The following LYPD5 variants were observed in gnomAD, a reference collection of about 807,000 sequenced individuals.
The protein encoded by LYPD5 is ly6/PLAUR domain-containing protein 5.
LYPD5 carries 21 observed loss-of-function variants against 19.1 expected under a neutral mutation model. The observed-to-expected ratio is 1.10, with a 90% confidence interval of 0.78 to 1.58. LYPD5 has a LOEUF of 1.58. Ranked by LOEUF, LYPD5 falls within the 40% of genes most tolerant of loss-of-function variation. LYPD5 has a pLI of 0.00. For missense variants in LYPD5, 287 were observed against 329.8 expected, an observed-to-expected ratio of 0.87 and a Z score of 1.00; for synonymous variants, 128 against 142.7, an observed-to-expected ratio of 0.90 and a Z score of 0.74.
chr19:43,797,876 A>C lies in LYPD5; in HGVS notation c.518-47T>G, dbSNP rs771078083. 3 of 1,416,404 alleles carry C rather than the reference A, an allele frequency of 2.1e-6. No individual in the cohort carries two copies. In the South Asian group the frequency reaches 3.5e-5, roughly 17 times the overall value. 87.7% of individuals were successfully genotyped at this position (1,416,404 alleles called of 1,614,324 possible). A position where few individuals can be genotyped will look rare whatever the true frequency, so the allele number is the denominator to read the frequency against. ...AGGAACGGTCAGAACTGAGGGAGAC[A>C]GCTGCACCTGAACCTTCACCTTGGT... is the stretch of plus-strand genomic sequence containing the variant. On this transcript the variant is annotated intron_variant, in intron 4 of 4. Transcript: ENST00000377950.
At chr19:43,807,287 CTTTTTT>C (rs71903986), upstream of LYPD5, among the ~76,000 whole-genome samples, 4 of 117,016 alleles carry the variant, frequency 3.4e-5, no homozygotes, top group African/African-American at 1.1e-4. Flanking sequence ...TTTTCTTTTT[CTTTTTT>C]TTTTTTGGCA....
intron 1 of LYPD5, among the ~76,000 whole-genome samples, chr19:43,816,936 T>C (rs1970380240): frequency 6.6e-6 from 1 of 152,210 alleles, no homozygotes; most frequent in African/African-American, 2.4e-5. Flanking sequence ...TTTGTTCTCT[T>C]TTGCTCTTCT....
upstream of LYPD5, among the ~76,000 whole-genome samples, chr19:43,803,683 TTTTCTA>T (rs1454365672): frequency 6.6e-6 from 1 of 152,208 alleles, no homozygotes; most frequent in African/African-American, 2.4e-5. Context: ...CTCGGTATTG[TTTTCTA>T]TTTCTATTTT....
upstream of LYPD5, among the ~76,000 whole-genome samples, chr19:43,802,734 A>G (rs1970239089): frequency 6.6e-6 from 1 of 151,910 alleles, no homozygotes; most frequent in Non-Finnish European, 1.5e-5. Context: ...CCCTACCCCA[A>G]CACACACCAC....
chr19:43,815,935 T>C (rs955840103), intron 1 of LYPD5, among the ~76,000 whole-genome samples: 1 of 152,090 alleles, frequency 6.6e-6, no homozygotes, highest in Admixed American at 6.6e-5. Context: ...AGTTTCACCA[T>C]GTTGGCCAGG....
upstream of LYPD5, among the ~76,000 whole-genome samples, chr19:43,804,089 C>T (rs1429561108): frequency 2.6e-5 from 4 of 152,162 alleles, no homozygotes; most frequent in Non-Finnish European, 5.9e-5. Context: ...CTGCCCGCCT[C>T]GGCCTCCCAA....
intron 2 of LYPD5, among the ~76,000 whole-genome samples, chr19:43,799,469 T>A (rs1970191349): frequency 6.6e-6 from 1 of 152,174 alleles, no homozygotes; most frequent in Non-Finnish European, 1.5e-5. Context: ...GGTCTCAAAC[T>A]TCTGACCTCG....
At chr19:43,808,250 T>C (rs932343882) in intron 1 of LYPD5, among the ~76,000 whole-genome samples, 1 of 152,016 alleles carries the variant, frequency 6.6e-6, no homozygotes, top group Admixed American at 6.6e-5. Context: ...GGATTACAGG[T>C]GTCTGCCACC....
At chr19:43,815,735 A>AT in intron 1 of LYPD5, 1 of 393,164 alleles carries the variant, frequency 2.5e-6, no homozygotes, top group South Asian at 1.9e-5. Flanking sequence ...TATTATTTTT[A>AT]TTTTATTTTA....
At chr19:43,820,462 C>T (rs915230689) in intron 1 of LYPD5, 2 of 152,170 alleles carry the variant, frequency 1.3e-5, no homozygotes, top group East Asian at 3.9e-4. Context: ...CCACCCCCTC[C>T]CTCAAGTCTT....
Position 43,799,108 on chromosome 19 carries a change from C to G in LYPD5, c.194-120G>C, listed in dbSNP as rs573541976. On this transcript the variant is annotated intron_variant, in intron 2 of 4. Transcript: ENST00000377950. ...CCTACACCTCCTCCCCTCCCTCCTT[C>G]CCTCCTTCCTCTCACCCCCAGACCT... The G allele has an allele frequency of 8.7e-6, 10 of 1,143,762 alleles. No individual in the cohort carries two copies. The East Asian group carries it at 2.1e-4, about 24-fold the overall frequency. 70.9% of individuals were successfully genotyped at this position (1,143,762 alleles called of 1,614,324 possible).
At chr19:43,814,486 C>T (rs370909041) in intron 1 of LYPD5, among the ~76,000 whole-genome samples, 5 of 149,998 alleles carry the variant, frequency 3.3e-5, no homozygotes, top group African/African-American at 1.2e-4. Context: ...AGAGAAAGAC[C>T]TGTCTCTAAA....
At chr19:43,815,588 A>G (rs1392457740) in intron 1 of LYPD5, among the ~76,000 whole-genome samples, 1 of 151,860 alleles carries the variant, frequency 6.6e-6, no homozygotes, top group Non-Finnish European at 1.5e-5. Flanking sequence ...CAAAAACAAA[A>G]CCAAAAACCA....
intron 1 of LYPD5, 144 bp from the exon 2 acceptor site, chr19:43,799,978 A>C (rs1322028341): frequency 1.0e-6 from 1 of 955,616 alleles, no homozygotes; most frequent in Non-Finnish European, 1.5e-6. Flanking sequence ...AGGTGCTGCT[A>C]TTGCAGCTGG....
chr19:43,798,431 C>G, intron 4 of LYPD5, 24 bp downstream of exon 4: 1 of 1,602,712 alleles, frequency 6.2e-7, no homozygotes, highest in Non-Finnish European at 8.5e-7. Context: ...TTGCCCAGGC[C>G]CTTCCACCCT....
chr19:43,807,711 G>A (rs1970283985), intron 1 of LYPD5, among the ~76,000 whole-genome samples: 1 of 152,248 alleles, frequency 6.6e-6, no homozygotes, highest in South Asian at 2.1e-4. Flanking sequence ...GCTGCATAAA[G>A]GAGGCAAAGG....
In LYPD5 at chr19:43,798,806, G is replaced by A. The variant is rs762186634; in HGVS notation, c.370+6C>T. 2.5e-6 allele frequency: 4 copies of A among 1,605,802 alleles called. No individual in the cohort carries two copies. In the Admixed American group the frequency reaches 6.8e-5, roughly 27 times the overall value. ...TCCCGGAGCCCAGCCCCGCTCTCCC[G>A]CGCACCTTGGCTCAGGTTGGGGAGG... On this transcript the variant is annotated splice_donor_region_variant and intron_variant, in intron 3 of 4. Coordinates refer to ENST00000377950, the MANE Select transcript of LYPD5 (RefSeq NM_001031749.3).
chr19:43,812,587 A>G (rs1164635727), intron 1 of LYPD5, among the ~76,000 whole-genome samples: 1 of 152,216 alleles, frequency 6.6e-6, no homozygotes, highest in Non-Finnish European at 1.5e-5. Context: ...AAAGGGCTAA[A>G]TAACTTGAAA....
chr19:43,814,262 C>T (rs1393027997), intron 1 of LYPD5, among the ~76,000 whole-genome samples: 4 of 152,096 alleles, frequency 2.6e-5, no homozygotes, highest in Non-Finnish European at 4.4e-5. Context: ...GAGTCTCAGG[C>T]GGGACGATGG....
Sources: allele counts gnomAD v4.1 joint callset (sites outside exome capture counted in the v4.1 genomes callset), GRCh38; gene constraint gnomAD v4.1.1; transcripts MANE v1.5; gene names NCBI Gene and HGNC (gene_info 2026-07-23, HGNC 2026-07-21).